CLCN6: variants seen among roughly 807,000 people sequenced by gnomAD.
CLCN6 encodes H(+)/Cl(-) exchange transporter 6.
CLCN6 carries 70 observed loss-of-function variants against 109.8 expected under a neutral mutation model. The observed-to-expected ratio is 0.64, with a 90% CI of 0.53 to 0.78. The LOEUF (loss-of-function observed/expected upper bound fraction) is 0.78, where lower values mean the gene tolerates loss of function less well. Ranked by LOEUF, CLCN6 falls within the 30% of genes least tolerant of loss-of-function variation. The pLI is 0.00. For synonymous variants in CLCN6, 444 were observed against 447.8 expected (o/e 0.99, Z 0.11); for missense variants, 984 against 1,142.3 (o/e 0.86, Z 2.00).
chr1:11,827,430 C>CTTTTTTTTTTTTT (rs59015951), intron 10 of CLCN6, among the ~76,000 whole-genome samples: 8 of 105,020 alleles, frequency 7.6e-5, no homozygotes, highest in South Asian at 3.3e-4. Flanking sequence ...ACCGCTGTTA[C>CTTTTTTTTTTTTT]TTTTTTTTTT....
intron 13 of CLCN6, among the ~76,000 whole-genome samples, chr1:11,831,420 G>C (rs907102658): frequency 6.7e-6 from 1 of 149,070 alleles, no homozygotes; most frequent in East Asian, 1.9e-4. Context: ...CTCCCAAAGT[G>C]CTAGGATTGC....
At position 11,841,968 on chromosome 1, in the gene CLCN6, G is replaced by A. The variant is rs1420790478; in HGVS notation, c.*1745G>A. ...CGCAGGACATCACAAGGACCAAAAA[G>A]GCAATTCTTATTTAAATGTTACTAT... On this transcript the variant is annotated 3_prime_UTR_variant, in exon 23 of 23. Transcript: ENST00000346436. The A allele has an allele frequency of 2.6e-5, 4 of 152,212 alleles. No individual in the cohort carries two copies. Among genetic ancestry groups the A allele is most frequent in the Non-Finnish European group, 5.9e-5 (4 of 68,030 alleles). 9.4% of individuals were successfully genotyped at this position (152,212 alleles called of 1,614,324 possible).
chr1:11,815,780 A>T (rs928938502), intron 2 of CLCN6, 66 bp from the exon 3 acceptor site: 1 of 1,231,744 alleles, frequency 8.1e-7, no homozygotes, highest in Non-Finnish European at 1.2e-6. Context: ...AGGAACCCAG[A>T]GGTTTGTCCC....
chr1:11,830,138 G>A (rs895292437), intron 13 of CLCN6: 3 of 152,254 alleles, frequency 2.0e-5, no homozygotes, highest in African/African-American at 7.2e-5. Flanking sequence ...TCCCTGAGGA[G>A]TGGTCCCATG....
intron 1 of CLCN6, chr1:11,806,594 T>G: frequency 2.2e-6 from 1 of 461,206 alleles, no homozygotes; most frequent in Non-Finnish European, 3.8e-6. Flanking sequence ...CCACCCATGT[T>G]TCCTTTTATT....
chr1:11,833,997 C>G lies in CLCN6; in HGVS notation c.1493C>G (p.Ala498Gly), dbSNP rs1181449387. The G allele has an allele frequency of 3.7e-6, 6 of 1,614,110 alleles. No homozygotes were observed. Among genetic ancestry groups the G allele is most frequent in the Non-Finnish European group, 4.2e-6 (5 of 1,180,018 alleles). The change falls in exon 15 of 23, where the codon GCT (alanine) becomes GGT (glycine). Residue 498 changes from alanine to glycine, a missense_variant. By Grantham distance (60) the Ala-to-Gly change is moderately conservative. Transcript: ENST00000346436. ...GTGCCTTCTCTGCTGTGTGGAGCTG[C>G]TTTTGGACGTTTAGTTGCCAATGTC... ...LFVPSLLCGA[A>G]FGRLVANVLK... is the part of the protein sequence containing the mutation.
Position 11,838,651 on chromosome 1 carries a change from T to C in CLCN6, c.2520T>C (p.Ala840=). The C allele has an allele frequency of 6.2e-7, 1 of 1,614,218 alleles. No individual in the cohort carries two copies. The highest frequency in any genetic ancestry group is 8.5e-7 in the Non-Finnish European group (1 of 1,180,028). ...MGLRHLPVVN[A]VGEIVGIITR... The stretch of plus-strand genomic sequence containing the variant: ...TGCGCCACCTGCCCGTGGTGAACGC[T>C]GTGGGAGAGGTGAGCGAGGCCCCGG... Residue 840 remains alanine (A), a synonymous_variant, in exon 22 of 23, where the codon GCT becomes GCC. Coordinates refer to ENST00000346436, the MANE Select transcript of CLCN6 (RefSeq NM_001286.5).
At chr1:11,816,384 A>T (rs892384017) in intron 3 of CLCN6, among the ~76,000 whole-genome samples, 2 of 152,146 alleles carry the variant, frequency 1.3e-5, no homozygotes, top group African/African-American at 2.4e-5. Flanking sequence ...GTTGGCATTT[A>T]TTCCCTAGGC....
chr1:11,807,765 C>T lies in CLCN6; in HGVS notation c.147+575C>T, dbSNP rs547509274. The stretch of plus-strand genomic sequence containing the variant: ...AGAAGGTAGAGAAAAGCCTATAACT[C>T]CATTCATTAAAAGATGACTGTTAAC... On this transcript the variant is annotated intron_variant, in intron 2 of 22. Transcript: ENST00000346436. Among the ~76,000 whole-genome samples, 4 of 152,262 alleles carry T rather than the reference C, an allele frequency of 2.6e-5. No homozygotes were observed. In the East Asian group the frequency reaches 7.7e-4, roughly 29 times the overall value.
chr1:11,811,731 T>C (rs759911237), intron 2 of CLCN6, among the ~76,000 whole-genome samples: 4 of 152,172 alleles, frequency 2.6e-5, no homozygotes, highest in Admixed American at 6.6e-5. Context: ...GAGGAAACCC[T>C]GCACTCATTA....
At chr1:11,831,568 G>A (rs973019206) in intron 13 of CLCN6, among the ~76,000 whole-genome samples, 8 of 152,108 alleles carry the variant, frequency 5.3e-5, no homozygotes, top group African/African-American at 1.7e-4. Context: ...AAAGTTTGCC[G>A]ACCCCTGTTA....
In CLCN6 at chr1:11,829,084, T is replaced by G; in HGVS notation, c.1122-112T>G. 3 of 1,240,788 alleles carry G rather than the reference T, an allele frequency of 2.4e-6. No homozygotes were observed. In the Admixed American group the frequency reaches 6.0e-5, roughly 25 times the overall value. The allele number at this position is 1,240,788 out of a possible 1,614,324, so 76.9% of individuals were successfully genotyped here. A position where few individuals can be genotyped will look rare whatever the true frequency, so the allele number is the denominator to read the frequency against. Reference sequence around the variant, plus strand: ...CACATGTTGACTGACCAGGGGCTGCTGTGAATGCTGTTTGGAGAAATCGGG... The same window carrying G: ...CACATGTTGACTGACCAGGGGCTGCGGTGAATGCTGTTTGGAGAAATCGGG... On this transcript the variant is annotated intron_variant, in intron 12 of 22. Coordinates refer to ENST00000346436, the MANE Select transcript of CLCN6 (RefSeq NM_001286.5).
rs765358713 is a variant in CLCN6 at position 11,834,597 on chromosome 1, C to T, written c.1793+7C>T. On this transcript the variant is annotated splice_region_variant and intron_variant, in intron 17 of 22. Transcript: ENST00000346436. The surrounding 1 kb of genome is among the most constrained non-coding windows in gnomAD (Gnocchi z 4.5). ...CAGAGGTGGAAATGGACAAGTAAGG[C>T]CATGATTTTGCTCATGTCCTAGTTT... The T allele has an allele frequency of 6.2e-7, 1 of 1,610,104 alleles. No homozygotes were observed. Among genetic ancestry groups the T allele is most frequent in the African/African-American group, 1.3e-5 (1 of 74,840 alleles).
chr1:11,839,559 G>A (rs566111076), intron 22 of CLCN6, among the ~76,000 whole-genome samples: 2 of 152,336 alleles, frequency 1.3e-5, no homozygotes, highest in African/African-American at 4.8e-5. Flanking sequence ...ACTGCACCCG[G>A]CCTCAGTCTT....
At chr1:11,819,934 C>T (rs183473975) in intron 5 of CLCN6, among the ~76,000 whole-genome samples, 3 of 152,036 alleles carry the variant, frequency 2.0e-5, no homozygotes, top group Admixed American at 6.5e-5. Flanking sequence ...TGGACTTGAC[C>T]CTGTCAGATA....
In CLCN6 at chr1:11,840,608, A is replaced by G. The variant is rs757981103; in HGVS notation, c.*385A>G. ...TCCTAGAGAACCCGGCTGTTGCCTT[A>G]AATGTGTGAGAGGGACTTGGCCAAG... On this transcript the variant is annotated 3_prime_UTR_variant, in exon 23 of 23. Transcript: ENST00000346436. The G allele has an allele frequency of 3.2e-6, 1 of 314,486 alleles. No homozygotes were observed. The highest frequency in any genetic ancestry group is 7.0e-5 in the East Asian group (1 of 14,266). 19.5% of individuals were successfully genotyped at this position (314,486 alleles called of 1,614,324 possible).
chr1:11,823,370 G>A (rs527723142), intron 6 of CLCN6, among the ~76,000 whole-genome samples: 2 of 152,104 alleles, frequency 1.3e-5, no homozygotes, highest in Admixed American at 6.6e-5. Context: ...CCAGCTACTC[G>A]GGCGACTGAG....
At chr1:11,839,614 A>G (rs2100663512) in intron 22 of CLCN6, among the ~76,000 whole-genome samples, 1 of 152,352 alleles carries the variant, frequency 6.6e-6, no homozygotes, top group Non-Finnish European at 1.5e-5. Context: ...GCGTACTTAC[A>G]CAGGTTTTGT....
intron 13 of CLCN6, among the ~76,000 whole-genome samples, chr1:11,831,123 G>A (rs182239320): frequency 1.2e-4 from 18 of 151,468 alleles, no homozygotes; most frequent in Admixed American, 8.6e-4. Flanking sequence ...GTGTCACCAC[G>A]CCCAGCCTGG....
Sources: allele counts gnomAD v4.1 joint callset (sites outside exome capture counted in the v4.1 genomes callset), GRCh38; gene constraint gnomAD v4.1.1; non-coding constraint Gnocchi (gnomAD v3.1); transcripts MANE v1.5; gene names NCBI Gene and HGNC (gene_info 2026-07-23, HGNC 2026-07-21).